The following ZNF236 variants were observed in gnomAD, a reference collection of about 807,000 sequenced individuals.
ZNF236 encodes the protein zinc finger protein 236.
Under a neutral mutation model 191.2 loss-of-function variants are expected in ZNF236, and 50 were observed. The ratio of observed to expected loss-of-function variants is 0.26; its 90% CI spans 0.21 to 0.33. ZNF236 has a LOEUF of 0.33. ZNF236 is among the 10% of genes least tolerant of loss of function. The pLI is 1.00. For missense variants in ZNF236, 1,754 were observed against 2,374.5 expected (o/e 0.74, Z 5.43); for synonymous variants, 907 against 928.8 (o/e 0.98, Z 0.43).
intron 1 of ZNF236, among the ~76,000 whole-genome samples, chr18:76,838,460 G>A (rs1424839396): frequency 2.6e-5 from 4 of 152,186 alleles, no homozygotes; most frequent in Admixed American, 6.5e-5. Context: ...GATTGCAGTC[G>A]TGATGGCTGT....
intron 9 of ZNF236, chr18:76,888,095 G>T (rs1165283431): frequency 6.6e-6 from 1 of 151,520 alleles, no homozygotes; most frequent in Non-Finnish European, 1.5e-5. Flanking sequence ...AACAAATGCC[G>T]GGCACAGTGG....
intron 25 of ZNF236, chr18:76,936,487 G>T (rs1355008994): frequency 3.4e-5 from 15 of 445,398 alleles, no homozygotes; most frequent in Non-Finnish European, 2.7e-5. Context: ...CTTAGTATCG[G>T]CTGCAAGGGG....
chr18:76,950,347 C>A (rs1396589905), intron 27 of ZNF236, among the ~76,000 whole-genome samples: 1 of 152,204 alleles, frequency 6.6e-6, no homozygotes, highest in South Asian at 2.1e-4. Context: ...CAACAATGTT[C>A]ACCGCATCAT....
At chr18:76,908,177 A>T in intron 13 of ZNF236, 143 bp from the exon 14 acceptor site, 1 of 1,129,772 alleles carries the variant, frequency 8.9e-7, no homozygotes, top group Non-Finnish European at 1.3e-6. Flanking sequence ...TTCAGTTTTT[A>T]CCTGAATTGC....
rs1250167319 is a variant in ZNF236, at chr18:76,899,360, CT to C, written c.1894+140del. 4.1e-6 allele frequency: 3 copies of C among 732,222 alleles called. No individual in the cohort carries two copies. The African/African-American group carries it at 5.3e-5, about 13-fold the overall frequency. The allele number at this position is 732,222 out of a possible 1,614,324, so 45.4% of individuals were successfully genotyped here. A position where few individuals can be genotyped will look rare whatever the true frequency, so the allele number is the denominator to read the frequency against. On this transcript the variant is annotated intron_variant, in intron 11 of 30. Transcript: ENST00000320610. Reference sequence around the variant, plus strand: ...AGTATTAATGAAGTCTGTGTTAAGCCTTGTTTTGCTTTATGGACTAGTATGT... The same window carrying C: ...AGTATTAATGAAGTCTGTGTTAAGCCTGTTTTGCTTTATGGACTAGTATGT...
At chr18:76,852,425 C>T (rs1192899971) in intron 3 of ZNF236, among the ~76,000 whole-genome samples, 1 of 152,200 alleles carries the variant, frequency 6.6e-6, no homozygotes, top group East Asian at 1.9e-4. Context: ...GGCCCAATGT[C>T]TGGGACAGCT....
intron 1 of ZNF236, among the ~76,000 whole-genome samples, chr18:76,847,280 T>C (rs1252044781): frequency 6.6e-6 from 1 of 152,128 alleles, no homozygotes; most frequent in Non-Finnish European, 1.5e-5. Flanking sequence ...TTGAGCTCTT[T>C]TATTAATGTA....
rs961006775 is a variant in ZNF236 at position 76,969,320 on chromosome 18, C to T, written c.*981C>T. 2 of 152,598 alleles carry T rather than the reference C, an allele frequency of 1.3e-5. No homozygotes were observed. The highest frequency in any genetic ancestry group is 4.8e-5 in the African/African-American group (2 of 41,424). The allele number at this position is 152,598 out of a possible 1,614,324, so 9.5% of individuals were successfully genotyped here. On this transcript the variant is annotated 3_prime_UTR_variant, in exon 31 of 31. Coordinates refer to ENST00000320610, the MANE Select transcript of ZNF236 (RefSeq NM_001306089.2). ...CATAAAACATGTCCCAAACCAAATC[C>T]CACCCGTGCTGGGCAGAGTGCGTGC...
chr18:76,849,770 T>C (rs1010394591), intron 2 of ZNF236, 102 bp downstream of exon 2: 3 of 1,092,046 alleles, frequency 2.7e-6, no homozygotes, highest in Non-Finnish European at 3.7e-6. Flanking sequence ...GGTTCCTAAA[T>C]AGTAGAACAT....
chr18:76,860,343 C>T (rs1014718171), intron 3 of ZNF236, among the ~76,000 whole-genome samples: 5 of 152,304 alleles, frequency 3.3e-5, no homozygotes, highest in East Asian at 3.9e-4. Context: ...TGAGCTTTAC[C>T]GTTTTCCATT....
rs570946325 is a variant in ZNF236, at chr18:76,896,996, G to A, written c.1690+1711G>A. On this transcript the variant is annotated intron_variant, in intron 10 of 30. Coordinates refer to ENST00000320610, the MANE Select transcript of ZNF236 (RefSeq NM_001306089.2). ...ACAACATACACAGTACTGCACTTAG[G>A]CATCAAACACAGTACTGCACACAGG... is the stretch of plus-strand genomic sequence containing the variant. Among the ~76,000 whole-genome samples, 4 of 150,930 alleles carry A rather than the reference G, an allele frequency of 2.7e-5. No homozygotes were observed. The East Asian group carries it at 5.9e-4, about 22-fold the overall frequency.
At chr18:76,872,555 G>A (rs1050074907) in intron 5 of ZNF236, among the ~76,000 whole-genome samples, 1 of 152,146 alleles carries the variant, frequency 6.6e-6, no homozygotes, top group African/African-American at 2.4e-5. Flanking sequence ...CCTTCACTAC[G>A]CTATGAAACA....
chr18:76,880,135 C>G lies in ZNF236; in HGVS notation c.1007C>G (p.Pro336Arg). The change falls in exon 8 of 31, where the codon CCT becomes CGT. Residue 336 changes from proline (P) to arginine (R), a missense_variant. This residue lies in a region of ZNF236 where 336 missense variants were observed against 495.1 expected (regional missense o/e 0.68). Transcript: ENST00000320610. This position sits in a 1 kb window ranked among gnomAD's most constrained non-coding sequence, Gnocchi z 5.0. The stretch of plus-strand genomic sequence containing the variant: ...CAGGCCACACTTTTTCAGACGTTAC[C>G]TCTTCAACAGACGGAAGCCCAAGCC... ...VLTATLFQTL[P>R]LQQTEAQATS... The G allele has an allele frequency of 6.2e-7, 1 of 1,613,302 alleles. No individual in the cohort carries two copies. Among genetic ancestry groups the G allele is most frequent in the Non-Finnish European group, 8.5e-7 (1 of 1,179,690 alleles).
intron 1 of ZNF236, among the ~76,000 whole-genome samples, chr18:76,828,728 G>A (rs775124336): frequency 2.6e-5 from 4 of 151,372 alleles, no homozygotes; most frequent in South Asian, 4.2e-4. Context: ...ATGCAGTGGC[G>A]TGATCTGGGC....
chr18:76,918,954 C>T (rs926285789), intron 19 of ZNF236, among the ~76,000 whole-genome samples: 3 of 152,276 alleles, frequency 2.0e-5, no homozygotes, highest in African/African-American at 7.2e-5. Context: ...ATGTGGAAGG[C>T]ACAGATACAG....
Position 76,919,990 on chromosome 18 carries a change from C to T in ZNF236, c.3489C>T (p.Asp1163=), listed in dbSNP as rs17060084. The change falls in exon 20 of 31, where the codon GAC becomes GAT. Residue 1163 remains aspartate (D), a synonymous_variant. Coordinates refer to ENST00000320610, the MANE Select transcript of ZNF236 (RefSeq NM_001306089.2). The surrounding 1 kb of genome is among the most constrained non-coding windows in gnomAD (Gnocchi z 5.3). The part of the protein sequence containing the change: ...ELRDKQAELQ[D]EPKHANCCTY... ...GGGACAAGCAGGCGGAGCTGCAGGA[C>T]GAGCCCAAGCACGCCAACTGCTGCA... The T allele has an allele frequency of 2.3e-4, 373 of 1,613,672 alleles. No individual in the cohort carries two copies. The African/African-American group carries it at 3.2e-3, about 14-fold the overall frequency.
chr18:76,840,622 ATTT>A (rs10659204), intron 1 of ZNF236, among the ~76,000 whole-genome samples: 6 of 115,476 alleles, frequency 5.2e-5, no homozygotes, highest in African/African-American at 1.3e-4. Flanking sequence ...GTAAAGGTGA[ATTT>A]TTTTTTTTTT....
At chr18:76,892,145 TTCTTTTTGAAATTTTCTTCTGGG>T (rs1568215499) in intron 9 of ZNF236, among the ~76,000 whole-genome samples, 1 of 149,550 alleles carries the variant, frequency 6.7e-6, no homozygotes, top group African/African-American at 2.4e-5. Context: ...TTTTTTTTTT[TTCTTTTTGAAATTTTCTTCTGGG>T]TTTTTTTTTT....
At chr18:76,854,529 G>A (rs189192581) in intron 3 of ZNF236, among the ~76,000 whole-genome samples, 3 of 149,944 alleles carry the variant, frequency 2.0e-5, no homozygotes, top group South Asian at 2.1e-4. Context: ...TTGGGAGACC[G>A]AGGCACTTGA....
Sources: gnomAD v4.1 joint callset for allele counts (sites outside exome capture counted in the v4.1 genomes callset) on GRCh38, gnomAD v4.1.1 for gene constraint, gnomAD v4.1.1 regional missense constraint, Gnocchi (gnomAD v3.1) non-coding constraint, MANE v1.5 for transcripts, NCBI Gene and HGNC (gene_info 2026-07-23, HGNC 2026-07-21) for gene names.